The following ADAMTS12 variants were observed in gnomAD, a reference collection of about 807,000 sequenced individuals.
ADAMTS12 encodes ADAM metallopeptidase with thrombospondin type 1 motif 12.
ADAMTS12 carries 118 observed loss-of-function variants against 167.8 expected under a neutral mutation model. The ratio of observed to expected loss-of-function variants is 0.70; its 90% confidence interval spans 0.61 to 0.82. The LOEUF (loss-of-function observed/expected upper bound fraction) is 0.82. Ranked by LOEUF, ADAMTS12 falls within the 40% of genes least tolerant of loss-of-function variation. The pLI, the probability that ADAMTS12 is intolerant of heterozygous loss-of-function variation, is 0.00. For missense variants in ADAMTS12, 1,916 were observed against 1,998.8 expected, an observed-to-expected ratio of 0.96 and a Z score of 0.79; for synonymous variants, 704 against 716.9, an observed-to-expected ratio of 0.98 and a Z score of 0.29.
At position 33,637,565 on chromosome 5, in the gene ADAMTS12, A is replaced by G. The variant is rs376449332; in HGVS notation, c.1888+12T>C. ...TTCCCTAGATCTGAGATACACCATT[A>G]CAGCTCCTTACCTGGGTTAAAAATG... On this transcript the variant is annotated intron_variant, in intron 12 of 23. Transcript: ENST00000504830. 1.2e-6 allele frequency: 2 copies of G among 1,611,404 alleles called. No individual in the cohort carries two copies. Among genetic ancestry groups the G allele is most frequent in the African/African-American group, 2.7e-5 (2 of 74,850 alleles).
At position 33,525,192 on chromosome 5, in the gene ADAMTS12, C is replaced by G. The variant is rs1483532742; in HGVS notation, c.*1996G>C. On this transcript the variant is annotated 3_prime_UTR_variant, in exon 24 of 24. Transcript: ENST00000504830. ...ATCAGATTCTCCTCCACTCATGTCA[C>G]TAACAATTTAAGTGTCTCCTCTCCT... is the stretch of plus-strand genomic sequence containing the variant. 1.3e-5 allele frequency: 2 copies of G among 152,354 alleles called. No individual in the cohort carries two copies. Among genetic ancestry groups the G allele is most frequent in the East Asian group, 3.9e-4 (2 of 5,190 alleles). The allele number at this position is 152,354 out of a possible 1,614,324, so 9.4% of individuals were successfully genotyped here.
chr5:33,733,998 T>TACACACAC (rs147754057), intron 3 of ADAMTS12, among the ~76,000 whole-genome samples: 104 of 139,474 alleles, frequency 7.5e-4, no homozygotes, highest in African/African-American at 2.4e-3. Flanking sequence ...ACTTCCCCAC[T>TACACACAC]ACACACACAC....
At chr5:33,610,285 T>C (rs1283518038) in intron 16 of ADAMTS12, among the ~76,000 whole-genome samples, 1 of 152,252 alleles carries the variant, frequency 6.6e-6, no homozygotes, top group African/African-American at 2.4e-5. Context: ...TTGGATACTG[T>C]ACAACTTTTC....
chr5:33,671,538 G>A (rs1377279552), intron 5 of ADAMTS12, among the ~76,000 whole-genome samples: 1 of 152,158 alleles, frequency 6.6e-6, no homozygotes, highest in Non-Finnish European at 1.5e-5. Flanking sequence ...TAACTGGTCT[G>A]AACCAAGGCT....
At chr5:33,811,369 T>C (rs1747454547) in intron 2 of ADAMTS12, among the ~76,000 whole-genome samples, 1 of 152,164 alleles carries the variant, frequency 6.6e-6, no homozygotes, top group African/African-American at 2.4e-5. Flanking sequence ...ATCCAAAGCA[T>C]GGCAAGGGAG....
intron 2 of ADAMTS12, among the ~76,000 whole-genome samples, chr5:33,771,932 C>T (rs1030460884): frequency 2.0e-5 from 3 of 151,740 alleles, no homozygotes; most frequent in Non-Finnish European, 4.4e-5. Context: ...TGGGATTAAG[C>T]CTCAAGCTAT....
intron 2 of ADAMTS12, among the ~76,000 whole-genome samples, chr5:33,776,002 G>A (rs186230257): frequency 6.6e-6 from 1 of 152,234 alleles, no homozygotes; most frequent in Non-Finnish European, 1.5e-5. Flanking sequence ...CAATAAAGGA[G>A]TCAAATCATG....
chr5:33,588,571 C>T, intron 18 of ADAMTS12, 28 bp downstream of exon 18: 1 of 1,609,550 alleles, frequency 6.2e-7, no homozygotes, highest in Non-Finnish European at 8.5e-7. Flanking sequence ...TGAATAATGC[C>T]AGTTTCCCCG....
intron 2 of ADAMTS12, among the ~76,000 whole-genome samples, chr5:33,835,508 C>A (rs1169252663): frequency 2.0e-5 from 3 of 152,214 alleles, no homozygotes; most frequent in Non-Finnish European, 4.4e-5. Flanking sequence ...AGTCCAAGAT[C>A]AAAGTGCCTA....
At chr5:33,595,529 T>A (rs1747879050) in intron 17 of ADAMTS12, among the ~76,000 whole-genome samples, 1 of 152,194 alleles carries the variant, frequency 6.6e-6, no homozygotes, top group Non-Finnish European at 1.5e-5. Flanking sequence ...CCCCCTCTTC[T>A]GGACAGCCTG....
intron 3 of ADAMTS12, among the ~76,000 whole-genome samples, chr5:33,697,850 G>C (rs1742841973): frequency 6.6e-6 from 1 of 152,378 alleles, no homozygotes; most frequent in South Asian, 2.1e-4. Context: ...CAGGAATAAA[G>C]GTTCTCATGC....
At chr5:33,830,275 T>C (rs1275035384) in intron 2 of ADAMTS12, among the ~76,000 whole-genome samples, 1 of 151,952 alleles carries the variant, frequency 6.6e-6, no homozygotes, top group Admixed American at 6.6e-5. Context: ...AGAGGTGATA[T>C]GAGGAGAAAA....
At chr5:33,882,022 G>A (rs1750467153) in intron 1 of ADAMTS12, among the ~76,000 whole-genome samples, 1 of 152,140 alleles carries the variant, frequency 6.6e-6, no homozygotes, top group Non-Finnish European at 1.5e-5. Context: ...TGTTTTACCA[G>A]AGACACATTA....
chr5:33,556,140 C>G (rs1745480068), intron 20 of ADAMTS12, among the ~76,000 whole-genome samples: 1 of 152,224 alleles, frequency 6.6e-6, no homozygotes, highest in African/African-American at 2.4e-5. Flanking sequence ...ATAACAACCT[C>G]TACAAAGTAA....
chr5:33,708,959 TAAAAAAACAAATAAAA>T (rs1375849774), intron 3 of ADAMTS12, among the ~76,000 whole-genome samples: 7 of 150,148 alleles, frequency 4.7e-5, no homozygotes, highest in Non-Finnish European at 8.9e-5. Context: ...AAATAAAAAA[TAAAAAAACAAATAAAA>T]AACAAAACAA....
rs1156641563 is a variant in ADAMTS12 at position 33,576,956 on chromosome 5, G to A, written c.3070C>T (p.Pro1024Ser). The A allele has an allele frequency of 1.2e-6, 2 of 1,614,104 alleles. No individual in the cohort carries two copies. Among genetic ancestry groups the A allele is most frequent in the African/African-American group, 2.7e-5 (2 of 74,934 alleles). The part of the protein sequence containing the change: ...KNPPTLKPVP[P>S]PTSRPRMLTT... ...AGCATTCTGGGCCTGGATGTAGGTG[G>A]AGGGACGGGCTTTAGTGTTGGTGGG... The change falls in exon 19 of 24, where the codon CCA becomes TCA. Residue 1024 changes from proline (P) to serine (S), a missense_variant. Coordinates refer to ENST00000504830, the MANE Select transcript of ADAMTS12 (RefSeq NM_030955.4).
At chr5:33,802,162 T>A (rs747048175) in intron 2 of ADAMTS12, among the ~76,000 whole-genome samples, 1 of 152,226 alleles carries the variant, frequency 6.6e-6, no homozygotes, top group Non-Finnish European at 1.5e-5. Context: ...TCTTGGACTT[T>A]CCAGCCTCCA....
chr5:33,598,709 A>G (rs972737668), intron 16 of ADAMTS12, among the ~76,000 whole-genome samples: 1 of 152,228 alleles, frequency 6.6e-6, no homozygotes, highest in African/African-American at 2.4e-5. Flanking sequence ...TCAAAATGAT[A>G]TTAGTTCATA....
At chr5:33,541,231 G>A (rs1239116095) in intron 22 of ADAMTS12, among the ~76,000 whole-genome samples, 2 of 152,188 alleles carry the variant, frequency 1.3e-5, no homozygotes, top group Middle Eastern at 3.2e-3. Context: ...AAGAAAAAGT[G>A]TCAGTGATTG....
Sources: gnomAD v4.1 joint callset for allele counts (sites outside exome capture counted in the v4.1 genomes callset) on GRCh38, gnomAD v4.1.1 for gene constraint, MANE v1.5 for transcripts, NCBI Gene and HGNC (gene_info 2026-07-23, HGNC 2026-07-21) for gene names.